CNTNAP5: variants seen among roughly 807,000 people sequenced by gnomAD.
CNTNAP5 encodes contactin-associated protein-like 5.
CNTNAP5 carries 72 observed loss-of-function variants against 150.2 expected under a neutral mutation model. That is an observed-to-expected ratio of 0.48 (90% CI 0.40 to 0.58). The LOEUF (loss-of-function observed/expected upper bound fraction) is 0.58. Among genes scored for constraint, CNTNAP5 ranks in the 20% least tolerant of loss-of-function variants. The pLI, the probability that CNTNAP5 is intolerant of heterozygous loss-of-function variation, is 0.00. For missense variants in CNTNAP5, 1,636 were observed against 1,626.2 expected (o/e 1.01, Z -0.10); for synonymous variants, 672 against 619.8 (o/e 1.08, Z -1.25).
At chr2:124,553,215 A>G (rs1330826090) in intron 10 of CNTNAP5, among the ~76,000 whole-genome samples, 1 of 152,180 alleles carries the variant, frequency 6.6e-6, no homozygotes, top group Non-Finnish European at 1.5e-5. Flanking sequence ...CCAAGAAGAA[A>G]TAGTTGGGCC....
intron 3 of CNTNAP5, among the ~76,000 whole-genome samples, chr2:124,413,805 G>A (rs1280948699): frequency 8.1e-6 from 1 of 123,644 alleles, no homozygotes; most frequent in African/African-American, 3.1e-5. Context: ...TGGGTGCAGT[G>A]CACCAGCATG....
intron 13 of CNTNAP5, among the ~76,000 whole-genome samples, chr2:124,650,315 A>G (rs1678294778): frequency 6.6e-6 from 1 of 152,108 alleles, no homozygotes; most frequent in Non-Finnish European, 1.5e-5. Flanking sequence ...GAGAGTCCTC[A>G]TTTACCCAGA....
intron 10 of CNTNAP5, among the ~76,000 whole-genome samples, chr2:124,562,704 T>C (rs1259932886): frequency 6.6e-6 from 1 of 152,178 alleles, no homozygotes; most frequent in African/African-American, 2.4e-5. Flanking sequence ...TAAAATACCC[T>C]TGCATTTTAG....
In CNTNAP5 at chr2:124,679,367, A is replaced by G. The variant is rs75019601; in HGVS notation, c.2077+31409A>G. On this transcript the variant is annotated intron_variant, in intron 13 of 23. Transcript: ENST00000682447. ...TTCATTGCATTGAAAGTAATCACTA[A>G]CATCATTATCATCTCATCCCTTCTG... Among the ~76,000 whole-genome samples the G allele has an allele frequency of 5.1e-3, 780 of 151,924 alleles. 11 individuals are homozygous for G. The highest frequency in any genetic ancestry group is 0.017 in the African/African-American group (719 of 41,528).
intron 1 of CNTNAP5, among the ~76,000 whole-genome samples, chr2:124,152,303 G>A (rs1265090635): frequency 6.6e-6 from 1 of 152,086 alleles, no homozygotes; most frequent in Non-Finnish European, 1.5e-5. Flanking sequence ...TATATGCTAG[G>A]CACCATTCTA....
At chr2:124,345,738 C>T (rs114041503) in intron 3 of CNTNAP5, among the ~76,000 whole-genome samples, 6,747 of 152,210 alleles carry the variant, frequency 0.044, 220 homozygotes, top group Non-Finnish European at 0.07. Context: ...AGTGACATTG[C>T]CACAATGCTG....
rs549466757 is a variant in CNTNAP5 at position 124,776,500 on chromosome 2, C to T, written c.2752+3483C>T. On this transcript the variant is annotated intron_variant, in intron 17 of 23. Transcript: ENST00000682447. ...AAACTCAGTGAGGTCAAGGGTGAAG[C>T]CAGGCAGGCTTGGCGTGCACATGTT... 2.5e-4 allele frequency among the ~76,000 whole-genome samples: 38 copies of T among 152,294 alleles called. No homozygotes were observed. In the South Asian group the frequency reaches 6.2e-3, roughly 25 times the overall value.
intron 1 of CNTNAP5, among the ~76,000 whole-genome samples, chr2:124,173,268 C>G (rs1026201644): frequency 6.6e-6 from 1 of 152,270 alleles, no homozygotes; most frequent in Middle Eastern, 3.4e-3. Flanking sequence ...AATAACCATG[C>G]AATAGCCTCT....
At chr2:124,890,583 A>G (rs1222959093) in intron 21 of CNTNAP5, among the ~76,000 whole-genome samples, 2 of 152,156 alleles carry the variant, frequency 1.3e-5, no homozygotes. Flanking sequence ...TTTAAACTGT[A>G]ACAGTCACCA....
At chr2:124,227,068 T>C (rs942158427) in intron 2 of CNTNAP5, among the ~76,000 whole-genome samples, 1 of 151,912 alleles carries the variant, frequency 6.6e-6, no homozygotes, top group Non-Finnish European at 1.5e-5. Context: ...TCCACATGAG[T>C]TTCACAGGAC....
At chr2:124,286,990 G>A in intron 3 of CNTNAP5, among the ~76,000 whole-genome samples, 1 of 152,176 alleles carries the variant, frequency 6.6e-6, no homozygotes, top group South Asian at 2.1e-4. Flanking sequence ...CTCCAGGCCA[G>A]CCATGGCTCA....
At chr2:124,028,979 T>C (rs1326285840) in intron 1 of CNTNAP5, among the ~76,000 whole-genome samples, 2 of 152,088 alleles carry the variant, frequency 1.3e-5, no homozygotes, top group Non-Finnish European at 2.9e-5. Context: ...ATGGAGCACA[T>C]ATGGGGTCAC....
chr2:124,286,296 G>A (rs138189520), intron 3 of CNTNAP5, among the ~76,000 whole-genome samples: 1,523 of 152,192 alleles, frequency 0.01, 8 homozygotes, highest in Non-Finnish European at 0.011. Context: ...TCTCGGCGAC[G>A]GCCTACTTCT....
chr2:124,602,635 A>T (rs1396671696), intron 11 of CNTNAP5, among the ~76,000 whole-genome samples: 2 of 152,064 alleles, frequency 1.3e-5, no homozygotes, highest in African/African-American at 4.8e-5. Context: ...CTGAGACTAT[A>T]GGCACAAGCT....
chr2:124,297,814 TTATTATTATTATTATTA>T (rs1688476393), intron 3 of CNTNAP5, among the ~76,000 whole-genome samples: 1 of 15,422 alleles, frequency 6.5e-5, no homozygotes, highest in Admixed American at 2.1e-4. Flanking sequence ...CAATTATTTA[TTATTATTATTATTATTA>T]TTATTATTAT....
Position 124,242,159 on chromosome 2 carries a change from A to G in CNTNAP5, c.188-41A>G, listed in dbSNP as rs371448335. The stretch of plus-strand genomic sequence containing the variant: ...GTTGAAAATTGTAGCTATGTGAGAC[A>G]TTACTACAACTCTCTCTCACTCTCT... On this transcript the variant is annotated intron_variant, in intron 2 of 23. Transcript: ENST00000682447. The G allele has an allele frequency of 2.8e-5, 41 of 1,482,978 alleles. No individual in the cohort carries two copies. In the African/African-American group the frequency reaches 4.9e-4, roughly 18 times the overall value. 91.9% of individuals were successfully genotyped at this position (1,482,978 alleles called of 1,614,324 possible).
At chr2:124,903,989 G>A (rs1678473201) in intron 22 of CNTNAP5, among the ~76,000 whole-genome samples, 1 of 141,284 alleles carries the variant, frequency 7.1e-6, no homozygotes, top group Non-Finnish European at 1.5e-5. Flanking sequence ...GGAAGGCAGA[G>A]GTTGCAGTGA....
chr2:124,546,460 A>G (rs1307223996), intron 10 of CNTNAP5, among the ~76,000 whole-genome samples: 1 of 152,164 alleles, frequency 6.6e-6, no homozygotes, highest in African/African-American at 2.4e-5. Flanking sequence ...TTACAAACGT[A>G]TATGACTATG....
At chr2:124,047,244 C>T (rs926611315) in intron 1 of CNTNAP5, among the ~76,000 whole-genome samples, 2 of 152,142 alleles carry the variant, frequency 1.3e-5, no homozygotes, top group African/African-American at 2.4e-5. Context: ...ATAGAGGCAC[C>T]GAAGGGTAGT....
Sources: allele counts gnomAD v4.1 joint callset (sites outside exome capture counted in the v4.1 genomes callset), GRCh38; gene constraint gnomAD v4.1.1; transcripts MANE v1.5; gene names NCBI Gene and HGNC (gene_info 2026-07-23, HGNC 2026-07-21).